The following PDSS2 variants were observed in gnomAD, a reference collection of about 807,000 sequenced individuals.
The protein encoded by PDSS2 is all trans-polyprenyl-diphosphate synthase PDSS2.
In PDSS2, 31 loss-of-function variants were observed where a neutral mutation model predicts 44.5. The observed-to-expected ratio is 0.70, with a 90% CI of 0.52 to 0.94. The LOEUF is 0.94. PDSS2 is among the 40% of genes least tolerant of loss of function. The pLI is 0.00. For synonymous variants in PDSS2, 157 were observed against 180.3 expected (o/e 0.87, Z 1.03); for missense variants, 452 against 482.2 (o/e 0.94, Z 0.59).
At chr6:107,164,905 C>A (rs1280562838) in intron 7 of PDSS2, among the ~76,000 whole-genome samples, 1 of 152,202 alleles carries the variant, frequency 6.6e-6, no homozygotes, top group Non-Finnish European at 1.5e-5. Flanking sequence ...ATTTGCATTT[C>A]TCTGATGGCC....
intron 4 of PDSS2, among the ~76,000 whole-genome samples, chr6:107,237,203 G>A (rs1381589553): frequency 1.3e-5 from 2 of 152,010 alleles, no homozygotes; most frequent in African/African-American, 4.8e-5. Context: ...AAATTGCTAG[G>A]ATTACAGATA....
intron 2 of PDSS2, among the ~76,000 whole-genome samples, chr6:107,295,868 TA>T (rs1776492692): frequency 6.6e-6 from 1 of 152,184 alleles, no homozygotes; most frequent in Non-Finnish European, 1.5e-5. Flanking sequence ...AACAGGTACA[TA>T]ACAGATTATA....
chr6:107,168,990 G>C (rs1310288702), intron 7 of PDSS2, among the ~76,000 whole-genome samples: 1 of 152,010 alleles, frequency 6.6e-6, no homozygotes, highest in Non-Finnish European at 1.5e-5. Context: ...TCTTTGTGGC[G>C]TTCTCTGTAT....
intron 1 of PDSS2, among the ~76,000 whole-genome samples, chr6:107,367,595 C>A (rs559099046): frequency 4.6e-5 from 7 of 151,972 alleles, no homozygotes; most frequent in Non-Finnish European, 8.8e-5. Context: ...ATGAGCCTAG[C>A]CAACATGGCA....
chr6:107,296,257 T>A (rs576590675), intron 2 of PDSS2, among the ~76,000 whole-genome samples: 1 of 152,222 alleles, frequency 6.6e-6, no homozygotes, highest in African/African-American at 2.4e-5. Flanking sequence ...AGCCTTTCCT[T>A]TGTCTAGTAT....
intron 2 of PDSS2, among the ~76,000 whole-genome samples, chr6:107,313,015 C>T (rs576814252): frequency 1.4e-4 from 21 of 152,278 alleles, no homozygotes; most frequent in Admixed American, 7.2e-4. Flanking sequence ...CCAACTGCTA[C>T]TTCTCTTCAC....
chr6:107,330,094 C>T (rs768749641), intron 2 of PDSS2, among the ~76,000 whole-genome samples: 43 of 152,028 alleles, frequency 2.8e-4, no homozygotes, highest in Non-Finnish European at 5.6e-4. Flanking sequence ...TTTTTCTTCT[C>T]ATACATCTAG....
At chr6:107,396,047 G>A (rs1779929752) in intron 1 of PDSS2, among the ~76,000 whole-genome samples, 1 of 152,146 alleles carries the variant, frequency 6.6e-6, no homozygotes, top group Non-Finnish European at 1.5e-5. Flanking sequence ...CGTATTCTGT[G>A]AGTGTTTTTC....
chr6:107,305,247 G>A (rs1478900661), intron 2 of PDSS2, among the ~76,000 whole-genome samples: 1 of 151,638 alleles, frequency 6.6e-6, no homozygotes, highest in African/African-American at 2.4e-5. Flanking sequence ...GTCAATGTTT[G>A]GATCAAGGAC....
chr6:107,384,664 A>G (rs1343732535), intron 1 of PDSS2, among the ~76,000 whole-genome samples: 1 of 151,770 alleles, frequency 6.6e-6, no homozygotes, highest in African/African-American at 2.4e-5. Flanking sequence ...AAACACAAAA[A>G]AACAAAAAAA....
intron 4 of PDSS2, among the ~76,000 whole-genome samples, chr6:107,213,035 G>T (rs922133826): frequency 2.0e-5 from 3 of 151,706 alleles, no homozygotes; most frequent in African/African-American, 7.3e-5. Flanking sequence ...TTTGAGACAG[G>T]GTCTTGTTCT....
intron 1 of PDSS2, among the ~76,000 whole-genome samples, chr6:107,344,093 A>G (rs1166751371): frequency 1.3e-5 from 2 of 152,198 alleles, no homozygotes; most frequent in Non-Finnish European, 1.5e-5. Flanking sequence ...CCAGAGCCCT[A>G]TGGTATAGGG....
chr6:107,325,062 C>T (rs1044617764), intron 2 of PDSS2, among the ~76,000 whole-genome samples: 7 of 151,876 alleles, frequency 4.6e-5, no homozygotes, highest in African/African-American at 1.5e-4. Context: ...GAAAAAAAAA[C>T]GGCCTCTTTC....
chr6:107,283,340 G>GA (rs1776033830), intron 2 of PDSS2, among the ~76,000 whole-genome samples: 3 of 147,886 alleles, frequency 2.0e-5, no homozygotes, highest in Admixed American at 1.3e-4. Context: ...AAAGAAAAAA[G>GA]AAAAAAAGAA....
chr6:107,393,935 C>A (rs1176020210), intron 1 of PDSS2, among the ~76,000 whole-genome samples: 1 of 152,096 alleles, frequency 6.6e-6, no homozygotes, highest in African/African-American at 2.4e-5. Context: ...TTTTCTATCT[C>A]TTTGGTTTTT....
intron 1 of PDSS2, among the ~76,000 whole-genome samples, chr6:107,392,642 A>C (rs1779819313): frequency 6.6e-6 from 1 of 152,230 alleles, no homozygotes; most frequent in African/African-American, 2.4e-5. Flanking sequence ...AGGAAAGAGC[A>C]AACATTACTG....
chr6:107,286,941 GAGGC>G (rs1776175070), intron 2 of PDSS2, among the ~76,000 whole-genome samples: 1 of 152,166 alleles, frequency 6.6e-6, no homozygotes, highest in Non-Finnish European at 1.5e-5. Context: ...CCGGGAGGCT[GAGGC>G]AGGAGGATGG....
chr6:107,376,164 A>G (rs1041624910), intron 1 of PDSS2, among the ~76,000 whole-genome samples: 1 of 152,010 alleles, frequency 6.6e-6, no homozygotes. Flanking sequence ...GGTTACTGTA[A>G]CCTTGTAGTA....
chr6:107,175,939 TA>T (rs1771770258), intron 7 of PDSS2, among the ~76,000 whole-genome samples: 1 of 152,196 alleles, frequency 6.6e-6, no homozygotes, highest in Admixed American at 6.5e-5. Flanking sequence ...TTATTTTTAT[TA>T]AAATTATCAA....
Sources: allele counts gnomAD v4.1 joint callset (sites outside exome capture counted in the v4.1 genomes callset), GRCh38; gene constraint gnomAD v4.1.1; transcripts MANE v1.5; gene names NCBI Gene and HGNC (gene_info 2026-07-23, HGNC 2026-07-21).